The following NRXN3 variants were observed in gnomAD, a reference collection of about 807,000 sequenced individuals.
NRXN3 encodes the protein neurexin 3, also known as neurexin III.
Under a neutral mutation model 137.6 loss-of-function variants are expected in NRXN3, and 32 were observed. That is an observed-to-expected ratio of 0.23 (90% CI 0.18 to 0.31). NRXN3 has a LOEUF of 0.31. Ranked by LOEUF, NRXN3 falls within the 10% of genes least tolerant of loss-of-function variation. The pLI, the probability that NRXN3 is intolerant of heterozygous loss-of-function variation, is 1.00. For missense variants in NRXN3, 1,574 were observed against 2,062.5 expected (o/e 0.76, Z 4.59); for synonymous variants, 798 against 784.5 (o/e 1.02, Z -0.29).
At chr14:79,353,351 T>C (rs1256054948) in intron 15 of NRXN3, among the ~76,000 whole-genome samples, 1 of 152,096 alleles carries the variant, frequency 6.6e-6, no homozygotes, top group Non-Finnish European at 1.5e-5. Context: ...AATGAACATA[T>C]AATGAGTATG....
At chr14:79,009,592 C>A (rs150971351) in intron 15 of NRXN3, among the ~76,000 whole-genome samples, 453 of 152,304 alleles carry the variant, frequency 3.0e-3, no homozygotes, top group Non-Finnish European at 4.7e-3. Context: ...GATCATCCAT[C>A]ATAATCAGAC....
At position 79,861,700 on chromosome 14, in the gene NRXN3, G is replaced by T. The variant is rs2099414127; in HGVS notation, c.4452G>T (p.Gly1484=). The change falls in exon 21 of 21, where the codon GGG becomes GGT. Residue 1484 remains glycine, a synonymous_variant. Transcript: ENST00000335750. The surrounding 1 kb of genome is among the most constrained non-coding windows in gnomAD (Gnocchi z 5.4). ...PTEPGIRRVP[G]ASEVIRESSS... ...AGCCGGGAATCAGACGGGTTCCGGG[G>T]GCCTCAGAGGTGATCCGGGAGTCGA... is the stretch of plus-strand genomic sequence containing the variant. 4 of 1,614,128 alleles carry T rather than the reference G, an allele frequency of 2.5e-6. No individual in the cohort carries two copies. The highest frequency in any genetic ancestry group is 3.4e-6 in the Non-Finnish European group (4 of 1,180,020).
chr14:79,056,405 A>C (rs1233911221), intron 15 of NRXN3, among the ~76,000 whole-genome samples: 1 of 151,114 alleles, frequency 6.6e-6, no homozygotes, highest in Non-Finnish European at 1.5e-5. Context: ...TTTTTTTTTC[A>C]TTCAAGTTAC....
chr14:79,279,534 C>T, intron 15 of NRXN3: 1 of 986,300 alleles, frequency 1.0e-6, no homozygotes, highest in Non-Finnish European at 1.2e-6. Flanking sequence ...GTTTGGGTGG[C>T]TGCTCCGCAC....
intron 15 of NRXN3, among the ~76,000 whole-genome samples, chr14:79,035,819 T>C (rs1163777984): frequency 6.6e-6 from 1 of 152,082 alleles, no homozygotes; most frequent in Non-Finnish European, 1.5e-5. Flanking sequence ...GGATGTAAAA[T>C]GCATCCTTCT....
At chr14:78,351,208 C>T (rs1474046851) in intron 4 of NRXN3, among the ~76,000 whole-genome samples, 1 of 152,138 alleles carries the variant, frequency 6.6e-6, no homozygotes, top group Non-Finnish European at 1.5e-5. Context: ...TCTATTTTTG[C>T]CTGCTGTATA....
chr14:78,861,748 T>A (rs747175424), intron 10 of NRXN3, among the ~76,000 whole-genome samples: 3 of 152,114 alleles, frequency 2.0e-5, no homozygotes, highest in Non-Finnish European at 4.4e-5. Context: ...ATTAATTCAA[T>A]ACTGTTTTAA....
intron 15 of NRXN3, among the ~76,000 whole-genome samples, chr14:79,256,396 G>A (rs537929774): frequency 3.3e-5 from 5 of 152,150 alleles, no homozygotes; most frequent in South Asian, 4.2e-4. Flanking sequence ...TACCTTCTGT[G>A]ATAACACTTA....
intron 18 of NRXN3, 123 bp downstream of exon 18, chr14:79,692,385 A>T: frequency 1.3e-6 from 1 of 759,780 alleles, no homozygotes; most frequent in East Asian, 2.8e-5. Context: ...TTTAATTTTC[A>T]TTATAATTTG....
intron 13 of NRXN3, 82 bp from the exon 14 acceptor site, chr14:78,968,091 A>T: frequency 3.0e-6 from 1 of 329,646 alleles, no homozygotes. Context: ...TATCTGATGA[A>T]TTATCTCAAG....
intron 10 of NRXN3, among the ~76,000 whole-genome samples, chr14:78,875,247 A>G (rs1391567526): frequency 6.6e-6 from 1 of 152,232 alleles, no homozygotes; most frequent in African/African-American, 2.4e-5. Context: ...ACATAGTGTG[A>G]CCAGCTGGGA....
At chr14:78,989,547 A>T (rs2099514301) in intron 15 of NRXN3, among the ~76,000 whole-genome samples, 1 of 152,134 alleles carries the variant, frequency 6.6e-6, no homozygotes. Flanking sequence ...TTGGTATAAG[A>T]CTGCTCTTAC....
At chr14:79,087,689 T>C (rs2048387151) in intron 15 of NRXN3, among the ~76,000 whole-genome samples, 1 of 152,194 alleles carries the variant, frequency 6.6e-6, no homozygotes, top group Admixed American at 6.5e-5. Context: ...GTCTAACTCA[T>C]TACAGTTCCA....
At chr14:79,226,354 G>A (rs560042035) in intron 15 of NRXN3, among the ~76,000 whole-genome samples, 3 of 152,152 alleles carry the variant, frequency 2.0e-5, no homozygotes, top group Non-Finnish European at 4.4e-5. Context: ...GAAAATATTT[G>A]ATATAAGAAC....
Position 79,836,813 on chromosome 14 carries a change from C to CA in NRXN3, c.4094-24528dup, listed in dbSNP as rs1308914955. Among the ~76,000 whole-genome samples, 37 of 152,076 alleles carry CA rather than the reference C, an allele frequency of 2.4e-4. 1 individual carries two copies. The highest frequency in any genetic ancestry group is 7.0e-4 in the African/African-American group (29 of 41,496). On this transcript the variant is annotated intron_variant, in intron 20 of 20. Coordinates refer to ENST00000335750, the MANE Select transcript of NRXN3 (RefSeq NM_001330195.2). ...ATTGTTTACATAGCACCCACACACA[C>CA]ACAAAAAATCCTGACTCACTAGCTT...
intron 16 of NRXN3, among the ~76,000 whole-genome samples, chr14:79,488,198 C>A (rs1173058510): frequency 2.0e-5 from 3 of 152,118 alleles, no homozygotes; most frequent in Admixed American, 2.0e-4. Context: ...CATTGATTGG[C>A]AATTGGTTTG....
chr14:78,439,591 T>TC (rs2094178721), intron 4 of NRXN3, among the ~76,000 whole-genome samples: 1 of 152,226 alleles, frequency 6.6e-6, no homozygotes, highest in Non-Finnish European at 1.5e-5. Flanking sequence ...CAGAGCTTGC[T>TC]GTAGCTGCTA....
intron 15 of NRXN3, among the ~76,000 whole-genome samples, chr14:79,034,454 A>C (rs926905910): frequency 2.0e-5 from 3 of 152,096 alleles, no homozygotes; most frequent in African/African-American, 7.2e-5. Context: ...TTTTGTGAGA[A>C]GAACAATTTT....
intron 4 of NRXN3, among the ~76,000 whole-genome samples, chr14:78,353,801 T>A (rs1185842832): frequency 1.3e-5 from 2 of 152,144 alleles, no homozygotes; most frequent in African/African-American, 4.8e-5. Flanking sequence ...AGGTACAGAT[T>A]GAAATTCGTA....
Sources: allele counts gnomAD v4.1 joint callset (sites outside exome capture counted in the v4.1 genomes callset), GRCh38; gene constraint gnomAD v4.1.1; non-coding constraint Gnocchi (gnomAD v3.1); transcripts MANE v1.5; gene names NCBI Gene and HGNC (gene_info 2026-07-23, HGNC 2026-07-21).